Variants in WDTC1 observed in about 807,000 individuals in gnomAD.
The protein encoded by WDTC1 is WD and tetratricopeptide repeats protein 1.
WDTC1 carries 12 observed loss-of-function variants against 76.0 expected under a neutral mutation model. The observed-to-expected ratio is 0.16, with a 90% CI of 0.10 to 0.26. The LOEUF (loss-of-function observed/expected upper bound fraction) is 0.26, where lower values mean the gene tolerates loss of function less well. Ranked by LOEUF, WDTC1 falls within the 10% of genes least tolerant of loss-of-function variation. The pLI is 1.00. For missense variants in WDTC1, 511 were observed against 908.8 expected, an observed-to-expected ratio of 0.56 and a Z score of 5.63; for synonymous variants, 326 against 350.8, an observed-to-expected ratio of 0.93 and a Z score of 0.79.
intron 1 of WDTC1, among the ~76,000 whole-genome samples, 162 bp downstream of exon 1, chr1:27,235,113 A>G (rs995674113): frequency 9.9e-5 from 15 of 151,262 alleles, no homozygotes; most frequent in Non-Finnish European, 2.2e-4. Context: ...GAGAGGGGCC[A>G]GGCCTCGCCG....
chr1:27,246,431 C>A (rs983545501), intron 1 of WDTC1, among the ~76,000 whole-genome samples: 7 of 152,142 alleles, frequency 4.6e-5, no homozygotes, highest in Non-Finnish European at 8.8e-5. Context: ...CATAATATTC[C>A]ATTACAGTGG....
At chr1:27,250,860 CT>C (rs980490997) in intron 1 of WDTC1, among the ~76,000 whole-genome samples, 5 of 146,292 alleles carry the variant, frequency 3.4e-5, no homozygotes, top group Non-Finnish European at 7.4e-5. Context: ...TGTTAATTGA[CT>C]TGTTTTTTTT....
At chr1:27,304,728 T>G in intron 14 of WDTC1, 1 of 320,056 alleles carries the variant, frequency 3.1e-6, no homozygotes, top group Non-Finnish European at 5.7e-6. Context: ...ACCCGAGAGA[T>G]GATGTAAGAT....
At chr1:27,279,189 T>G (rs1228961312) in intron 3 of WDTC1, among the ~76,000 whole-genome samples, 1 of 152,222 alleles carries the variant, frequency 6.6e-6, no homozygotes, top group African/African-American at 2.4e-5. Flanking sequence ...CAACAACCTT[T>G]GCATGTGTAA....
intron 3 of WDTC1, among the ~76,000 whole-genome samples, chr1:27,278,739 C>T (rs768961863): frequency 1.4e-4 from 21 of 152,180 alleles, no homozygotes; most frequent in Non-Finnish European, 2.5e-4. Flanking sequence ...ATGTAACTTG[C>T]TACTTCTCAG....
rs750389307 is a variant in WDTC1, at chr1:27,301,458, G to A, written c.1465G>A (p.Gly489Ser). The change falls in exon 13 of 16, where the codon GGT (glycine) becomes AGT (serine). Residue 489 changes from glycine to serine, a missense_variant. By Grantham distance (56) the Gly-to-Ser change is moderately conservative. Transcript: ENST00000319394. The surrounding 1 kb of genome is among the most constrained non-coding windows in gnomAD (Gnocchi z 5.8). The stretch of plus-strand genomic sequence containing the variant: ...AGCTGCCCTCTTCTCTAAAAATGAT[G>A]GTGGTGAGTGGGCACTGAGGAGGGG... Reference protein sequence around the residue: ...ITAALFSKNDGEEKKGPGGGA... With the variant: ...ITAALFSKNDSEEKKGPGGGA... The A allele has an allele frequency of 7.4e-6, 12 of 1,612,118 alleles. No individual in the cohort carries two copies. The South Asian group carries it at 1.3e-4, about 18-fold the overall frequency.
chr1:27,276,319 G>A (rs140277632), intron 3 of WDTC1, among the ~76,000 whole-genome samples: 3 of 152,280 alleles, frequency 2.0e-5, no homozygotes, highest in East Asian at 3.9e-4. Flanking sequence ...TTCCAAAGTG[G>A]TACCACCATT....
chr1:27,242,421 A>G (rs1343302914), intron 1 of WDTC1, among the ~76,000 whole-genome samples: 6 of 152,102 alleles, frequency 3.9e-5, no homozygotes, highest in African/African-American at 1.4e-4. Flanking sequence ...GTAAACTGTG[A>G]TAGTGCTACA....
rs1396307589 is a variant in WDTC1, at chr1:27,303,512, T to C, written c.1469-109T>C. 1 of 1,345,560 alleles carries C rather than the reference T, an allele frequency of 7.4e-7. No homozygotes were observed. The highest frequency in any genetic ancestry group is 1.5e-5 in the African/African-American group (1 of 65,954). The allele number at this position is 1,345,560 out of a possible 1,614,324, so 83.4% of individuals were successfully genotyped here. On this transcript the variant is annotated intron_variant, in intron 13 of 15. Coordinates refer to ENST00000319394, the MANE Select transcript of WDTC1 (RefSeq NM_001276252.2). The surrounding 1 kb of genome is among the most constrained non-coding windows in gnomAD (Gnocchi z 4.8). ...TTTCCAGGATAAGGGTGGAGGCAGG[T>C]AGCTCTATGTTGTCAGACTTTGGAC...
chr1:27,282,351 C>G, intron 4 of WDTC1, 66 bp downstream of exon 4: 1 of 1,522,420 alleles, frequency 6.6e-7, no homozygotes, highest in Non-Finnish European at 9.1e-7. Context: ...AACAGCAAGG[C>G]TCCTCCTGAG....
intron 6 of WDTC1, among the ~76,000 whole-genome samples, chr1:27,291,802 C>T (rs2147977375): frequency 6.6e-6 from 1 of 152,322 alleles, no homozygotes; most frequent in East Asian, 1.9e-4. Context: ...TCTGCACTTA[C>T]TAGCAGTGTC....
chr1:27,237,024 G>C (rs1030651430), intron 1 of WDTC1, among the ~76,000 whole-genome samples: 1 of 152,280 alleles, frequency 6.6e-6, no homozygotes, highest in Non-Finnish European at 1.5e-5. Flanking sequence ...TTTTAGTAGA[G>C]ATGGGGTTTC....
Position 27,248,936 on chromosome 1 carries a change from C to T in WDTC1, c.-99-12020C>T, listed in dbSNP as rs965687632. ...TCTCCCAAAGTGCTGGGATTATAGA[C>T]GTGAGCCACTGCACCCAGCCTTAAA... is the stretch of plus-strand genomic sequence containing the variant. On this transcript the variant is annotated intron_variant, in intron 1 of 15. Coordinates refer to ENST00000319394, the MANE Select transcript of WDTC1 (RefSeq NM_001276252.2). Among the ~76,000 whole-genome samples, 25 of 152,226 alleles carry T rather than the reference C, an allele frequency of 1.6e-4. 1 individual carries two copies. Among genetic ancestry groups the T allele is most frequent in the Middle Eastern group, 3.4e-3 (1 of 294 alleles).
intron 3 of WDTC1, among the ~76,000 whole-genome samples, chr1:27,268,716 G>A (rs769499712): frequency 6.4e-5 from 8 of 125,444 alleles, no homozygotes; most frequent in African/African-American, 9.1e-5. Context: ...GCGCCCAGCC[G>A]ATTTTTTAGT....
intron 3 of WDTC1, among the ~76,000 whole-genome samples, chr1:27,272,594 AT>A (rs1484540036): frequency 6.6e-6 from 1 of 152,232 alleles, no homozygotes; most frequent in Non-Finnish European, 1.5e-5. Context: ...TAGAAGGGAA[AT>A]TCAAATATGG....
At position 27,306,593 on chromosome 1, in the gene WDTC1, C is replaced by T; in HGVS notation, c.*210C>T. The T allele has an allele frequency of 1.6e-6, 1 of 639,734 alleles. No individual in the cohort carries two copies. Among genetic ancestry groups the T allele is most frequent in the East Asian group, 2.8e-5 (1 of 35,702 alleles). 39.6% of individuals were successfully genotyped at this position (639,734 alleles called of 1,614,324 possible). A position where few individuals can be genotyped will look rare whatever the true frequency, so the allele number is the denominator to read the frequency against. On this transcript the variant is annotated 3_prime_UTR_variant, in exon 16 of 16. Transcript: ENST00000319394. The surrounding 1 kb of genome is among the most constrained non-coding windows in gnomAD (Gnocchi z 5.0). The stretch of plus-strand genomic sequence containing the variant: ...TGATTGTCCCCTGACTATCCCCAGC[C>T]CTGAAAAAAAGAGCAGGAGGGGACA...
intron 1 of WDTC1, among the ~76,000 whole-genome samples, chr1:27,247,232 T>G (rs913527966): frequency 2.6e-5 from 4 of 151,776 alleles, no homozygotes; most frequent in Non-Finnish European, 5.9e-5. Context: ...AATTTTTGTA[T>G]TTTTAGTAGA....
At chr1:27,257,209 AC>A (rs2012311922) in intron 1 of WDTC1, among the ~76,000 whole-genome samples, 1 of 152,004 alleles carries the variant, frequency 6.6e-6, no homozygotes, top group Non-Finnish European at 1.5e-5. Context: ...ATTCTTAAAA[AC>A]CTTTTGACTT....
chr1:27,300,704 G>T (rs574989319), intron 12 of WDTC1, among the ~76,000 whole-genome samples: 20 of 152,088 alleles, frequency 1.3e-4, no homozygotes, highest in Admixed American at 1.2e-3. Context: ...GCCAGGACAG[G>T]GGGGGGTCTG....
Sources: allele counts gnomAD v4.1 joint callset (sites outside exome capture counted in the v4.1 genomes callset), GRCh38; gene constraint gnomAD v4.1.1; non-coding constraint Gnocchi (gnomAD v3.1); transcripts MANE v1.5; gene names NCBI Gene and HGNC (gene_info 2026-07-23, HGNC 2026-07-21).